Variants in BANK1 observed in about 807,000 individuals in gnomAD.
BANK1 encodes B-cell scaffold protein with ankyrin repeats.
In BANK1, 95 loss-of-function variants were observed where a neutral mutation model predicts 94.5. The observed-to-expected ratio is 1.00, with a 90% CI of 0.85 to 1.19. The LOEUF (loss-of-function observed/expected upper bound fraction) is 1.19. BANK1 is among the 50% of genes most tolerant of loss of function. BANK1 has a pLI of 0.00. For missense variants in BANK1, 987 were observed against 932.2 expected, an observed-to-expected ratio of 1.06 and a Z score of -0.77; for synonymous variants, 334 against 308.4, an observed-to-expected ratio of 1.08 and a Z score of -0.87.
chr4:101,987,444 G>C (rs1385951185), intron 7 of BANK1, among the ~76,000 whole-genome samples: 1 of 152,010 alleles, frequency 6.6e-6, no homozygotes, highest in African/African-American at 2.4e-5. Flanking sequence ...ACCCAGCCTT[G>C]ATGGCTTTAA....
intron 1 of BANK1, 24 bp downstream of exon 1, chr4:101,790,974 G>A (rs1245423647): frequency 6.8e-7 from 1 of 1,476,690 alleles, no homozygotes; most frequent in South Asian, 1.3e-5. Flanking sequence ...CATTCGGAGG[G>A]GCTTGACGCC....
intron 7 of BANK1, among the ~76,000 whole-genome samples, chr4:102,002,692 C>T (rs1048670207): frequency 6.6e-6 from 1 of 152,080 alleles, no homozygotes; most frequent in Admixed American, 6.6e-5. Flanking sequence ...AGCTTTCGGC[C>T]TCAGAATCAG....
chr4:102,057,954 A>G (rs1176044170), intron 11 of BANK1, among the ~76,000 whole-genome samples: 2 of 152,192 alleles, frequency 1.3e-5, no homozygotes, highest in Admixed American at 1.3e-4. Context: ...TTTATTATAT[A>G]TACAACTTTG....
At chr4:101,835,679 G>T (rs1426529752) in intron 2 of BANK1, among the ~76,000 whole-genome samples, 1 of 152,226 alleles carries the variant, frequency 6.6e-6, no homozygotes, top group African/African-American at 2.4e-5. Flanking sequence ...TCTGTGCTGT[G>T]TATTGCTTAA....
At chr4:101,880,576 A>G (rs1728640474) in intron 5 of BANK1, among the ~76,000 whole-genome samples, 1 of 152,086 alleles carries the variant, frequency 6.6e-6, no homozygotes, top group Non-Finnish European at 1.5e-5. Flanking sequence ...AAAAAAAACT[A>G]TCCTAAAGTT....
At chr4:102,043,941 T>G in intron 11 of BANK1, 34 bp downstream of exon 11, 1 of 1,308,076 alleles carries the variant, frequency 7.6e-7, no homozygotes, top group Non-Finnish European at 1.1e-6. Flanking sequence ...TTTAGTAATC[T>G]CTAGGTAAAA....
chr4:101,845,582 A>T (rs1727212299), intron 2 of BANK1, among the ~76,000 whole-genome samples: 1 of 152,340 alleles, frequency 6.6e-6, no homozygotes, highest in South Asian at 2.1e-4. Flanking sequence ...TACACATTTG[A>T]CACAATAAAA....
At chr4:101,934,202 C>T (rs1173517257) in intron 7 of BANK1, among the ~76,000 whole-genome samples, 1 of 151,386 alleles carries the variant, frequency 6.6e-6, no homozygotes, top group African/African-American at 2.4e-5. Context: ...CTCTTGTTAG[C>T]AGCCTAAGGG....
chr4:101,877,580 A>G (rs895292805), intron 5 of BANK1, among the ~76,000 whole-genome samples: 9 of 151,288 alleles, frequency 5.9e-5, no homozygotes, highest in Admixed American at 5.9e-4. Flanking sequence ...TTTTGCTCGT[A>G]TGTTTGTTAG....
chr4:101,935,549 G>T (rs1431860769), intron 7 of BANK1, among the ~76,000 whole-genome samples: 1 of 151,408 alleles, frequency 6.6e-6, no homozygotes, highest in Non-Finnish European at 1.5e-5. Flanking sequence ...GGAGTTAAAA[G>T]GAATCTTTTC....
chr4:102,056,593 C>T (rs930254073), intron 11 of BANK1, among the ~76,000 whole-genome samples: 3 of 151,868 alleles, frequency 2.0e-5, no homozygotes, highest in South Asian at 2.1e-4. Context: ...AAGACGTTTA[C>T]GATACCTGTT....
intron 1 of BANK1, among the ~76,000 whole-genome samples, chr4:101,799,682 G>C (rs1273258999): frequency 2.0e-5 from 3 of 152,082 alleles, no homozygotes; most frequent in Non-Finnish European, 2.9e-5. Context: ...AGGCCATCCT[G>C]GCTAACACGG....
chr4:101,900,872 G>A (rs1007402156), intron 6 of BANK1, among the ~76,000 whole-genome samples: 4 of 152,114 alleles, frequency 2.6e-5, no homozygotes, highest in Non-Finnish European at 1.5e-5. Context: ...AGATTATTCT[G>A]CAGAGAGGGC....
At chr4:101,910,818 A>G (rs185830493) in intron 6 of BANK1, among the ~76,000 whole-genome samples, 1 of 152,194 alleles carries the variant, frequency 6.6e-6, no homozygotes, top group Admixed American at 6.5e-5. Flanking sequence ...AAAAAGTTTA[A>G]TATACTCCAC....
At chr4:101,947,297 ATAT>A (rs1723964592) in intron 7 of BANK1, among the ~76,000 whole-genome samples, 1 of 81,158 alleles carries the variant, frequency 1.2e-5, no homozygotes, top group African/African-American at 3.4e-5. Context: ...ATATATATAT[ATAT>A]ATATATATAT....
chr4:101,898,828 T>C (rs1350529540), intron 6 of BANK1, among the ~76,000 whole-genome samples: 1 of 152,054 alleles, frequency 6.6e-6, no homozygotes, highest in Non-Finnish European at 1.5e-5. Flanking sequence ...AATACACTCA[T>C]GTTTTCTTGC....
intron 7 of BANK1, among the ~76,000 whole-genome samples, chr4:101,936,004 C>A (rs910714032): frequency 1.3e-5 from 2 of 151,262 alleles, no homozygotes; most frequent in African/African-American, 4.8e-5. Context: ...TTGGTCAGGG[C>A]AAAGATTTCT....
chr4:102,067,981 A>C (rs567850499), intron 13 of BANK1, among the ~76,000 whole-genome samples: 2 of 152,136 alleles, frequency 1.3e-5, no homozygotes, highest in Non-Finnish European at 2.9e-5. Context: ...AGAATCTTAT[A>C]TTCTCTTACC....
intron 7 of BANK1, among the ~76,000 whole-genome samples, chr4:101,925,716 A>G (rs1723132580): frequency 6.6e-6 from 1 of 151,664 alleles, no homozygotes; most frequent in Non-Finnish European, 1.5e-5. Context: ...ACCCTTGGAT[A>G]CCTAAGTTTT....
Sources: gnomAD v4.1 joint callset for allele counts (sites outside exome capture counted in the v4.1 genomes callset) on GRCh38, gnomAD v4.1.1 for gene constraint, MANE v1.5 for transcripts, NCBI Gene and HGNC (gene_info 2026-07-23, HGNC 2026-07-21) for gene names.